Variants in PHACTR3 observed in about 807,000 individuals in gnomAD.
PHACTR3 encodes the protein protein phosphatase 1, regulatory subunit 123.
A neutral mutation model predicts 66.8 loss-of-function variants in PHACTR3; 16 were observed. The ratio of observed to expected loss-of-function variants is 0.24; its 90% CI spans 0.16 to 0.36. The LOEUF (loss-of-function observed/expected upper bound fraction) is 0.36. Ranked by LOEUF, PHACTR3 falls within the 10% of genes least tolerant of loss-of-function variation. The probability of loss-of-function intolerance (pLI) is 1.00; values close to 1 mark genes in which losing one functional copy is unlikely to be tolerated. For synonymous variants in PHACTR3, 323 were observed against 292.1 expected, an observed-to-expected ratio of 1.11 and a Z score of -1.08; for missense variants, 647 against 719.9, an observed-to-expected ratio of 0.90 and a Z score of 1.16.
rs192436415 is a variant in PHACTR3, at chr20:59,747,732, C to A, written c.281-26C>A. On this transcript the variant is annotated intron_variant, in intron 2 of 12. Transcript: ENST00000371015. ...CCCAGTGACACCTTTGCCTGAGACTCACCTGTGTGTTTGTGTGTTGGGCAG... is the reference window on the plus strand; with the variant it reads ...CCCAGTGACACCTTTGCCTGAGACTAACCTGTGTGTTTGTGTGTTGGGCAG... 3,759 of 1,611,246 alleles carry A rather than the reference C, an allele frequency of 2.3e-3. 15 individuals are homozygous for A. The highest frequency in any genetic ancestry group is 2.3e-3 in the Non-Finnish European group (2,742 of 1,178,338).
intron 8 of PHACTR3, among the ~76,000 whole-genome samples, chr20:59,823,393 G>T (rs539894929): frequency 6.6e-6 from 1 of 152,250 alleles, no homozygotes; most frequent in African/African-American, 2.4e-5. Context: ...GTCTCTGGAG[G>T]GAGGTAAAGA....
chr20:59,799,919 C>G (rs968485921), intron 7 of PHACTR3, among the ~76,000 whole-genome samples: 3 of 152,032 alleles, frequency 2.0e-5, no homozygotes, highest in Admixed American at 6.6e-5. Flanking sequence ...TTCTTTTATT[C>G]CACTTTATCT....
At chr20:59,662,467 T>C (rs968846142) in intron 1 of PHACTR3, among the ~76,000 whole-genome samples, 1 of 151,900 alleles carries the variant, frequency 6.6e-6, no homozygotes, top group African/African-American at 2.4e-5. Context: ...GAGAGCAGGA[T>C]GTATGGACCA....
At chr20:59,621,774 C>A (rs116698072) in intron 1 of PHACTR3, among the ~76,000 whole-genome samples, 59 of 152,298 alleles carry the variant, frequency 3.9e-4, no homozygotes, top group African/African-American at 1.4e-3. Flanking sequence ...GTGTGCCAAG[C>A]TGGAAAAGAG....
chr20:59,638,892 G>T (rs1301085985), intron 1 of PHACTR3, among the ~76,000 whole-genome samples: 1 of 146,254 alleles, frequency 6.8e-6, no homozygotes, highest in African/African-American at 2.5e-5. Flanking sequence ...TGGGTGAGTG[G>T]ATGGGTGGAT....
chr20:59,677,784 C>A (rs182247116), intron 1 of PHACTR3, among the ~76,000 whole-genome samples: 1 of 152,054 alleles, frequency 6.6e-6, no homozygotes, highest in African/African-American at 2.4e-5. Context: ...GAATTATGTG[C>A]GTGTATAATG....
chr20:59,653,931 A>G (rs2035537476), intron 1 of PHACTR3, among the ~76,000 whole-genome samples: 1 of 152,204 alleles, frequency 6.6e-6, no homozygotes, highest in East Asian at 1.9e-4. Flanking sequence ...ATTCCCCACT[A>G]AAACGAAGCA....
intron 8 of PHACTR3, among the ~76,000 whole-genome samples, chr20:59,824,937 G>A (rs2042142362): frequency 1.3e-5 from 2 of 152,166 alleles, no homozygotes; most frequent in South Asian, 2.1e-4. Flanking sequence ...TGTGAATGAC[G>A]ATGAACTTTG....
At chr20:59,781,573 C>T (rs952757058) in intron 7 of PHACTR3, among the ~76,000 whole-genome samples, 20 of 152,132 alleles carry the variant, frequency 1.3e-4, no homozygotes, top group African/African-American at 4.3e-4. Context: ...CACGTGGTAG[C>T]CCTGCTGCCA....
At chr20:59,592,184 T>C (rs2033202696) in intron 1 of PHACTR3, among the ~76,000 whole-genome samples, 1 of 152,182 alleles carries the variant, frequency 6.6e-6, no homozygotes, top group Admixed American at 6.5e-5. Context: ...GGCCTTTGTG[T>C]GTGCTGTTTC....
At chr20:59,623,488 A>G (rs1174784095) in intron 1 of PHACTR3, among the ~76,000 whole-genome samples, 2 of 152,204 alleles carry the variant, frequency 1.3e-5, no homozygotes, top group Non-Finnish European at 2.9e-5. Context: ...CTCTCGTCCC[A>G]CGACAGCTGC....
At position 59,841,364 on chromosome 20, in the gene PHACTR3, G is replaced by A. The variant is rs201943221; in HGVS notation, c.1447-31G>A. 67 of 1,591,618 alleles carry A rather than the reference G, an allele frequency of 4.2e-5. No homozygotes were observed. In the African/African-American group the frequency reaches 8.2e-4, roughly 19 times the overall value. On this transcript the variant is annotated intron_variant, in intron 10 of 12. Coordinates refer to ENST00000371015, the MANE Select transcript of PHACTR3 (RefSeq NM_080672.5). ...CTTCAAAAAAGCTAGTTTGGCATGT[G>A]ATACTTAACTATGATGATCTTTAAT...
At chr20:59,807,723 A>G (rs1293524789) in intron 8 of PHACTR3, among the ~76,000 whole-genome samples, 2 of 152,138 alleles carry the variant, frequency 1.3e-5, no homozygotes, top group African/African-American at 2.4e-5. Flanking sequence ...GACAGCAACA[A>G]TGTCACGAGG....
chr20:59,781,507 G>C lies in PHACTR3; in HGVS notation c.1174+7017G>C, dbSNP rs1479424129. On this transcript the variant is annotated intron_variant, in intron 7 of 12. Coordinates refer to ENST00000371015, the MANE Select transcript of PHACTR3 (RefSeq NM_080672.5). The stretch of plus-strand genomic sequence containing the variant: ...AGTGACCCCCTTGTCAGGTTGTCCT[G>C]GGGGCGGATGAGACAACGCTCATGG... Among the ~76,000 whole-genome samples the C allele has an allele frequency of 3.3e-5, 5 of 152,328 alleles. No homozygotes were observed. In the East Asian group the frequency reaches 9.6e-4, roughly 29 times the overall value.
At chr20:59,618,377 G>T (rs960294055) in intron 1 of PHACTR3, among the ~76,000 whole-genome samples, 1 of 152,118 alleles carries the variant, frequency 6.6e-6, no homozygotes, top group Non-Finnish European at 1.5e-5. Context: ...CAGTGTGATC[G>T]GGCACATTTC....
chr20:59,666,743 T>C (rs940456993), intron 1 of PHACTR3, among the ~76,000 whole-genome samples: 8 of 151,984 alleles, frequency 5.3e-5, no homozygotes, highest in African/African-American at 1.9e-4. Flanking sequence ...GATTTCCACA[T>C]GCAGACTGAA....
chr20:59,617,280 A>T (rs2034061320), intron 1 of PHACTR3, among the ~76,000 whole-genome samples: 1 of 152,186 alleles, frequency 6.6e-6, no homozygotes, highest in African/African-American at 2.4e-5. Context: ...GAAAAACCCA[A>T]AAAAAACAAC....
At chr20:59,721,730 C>T (rs2038309295) in intron 1 of PHACTR3, among the ~76,000 whole-genome samples, 1 of 152,084 alleles carries the variant, frequency 6.6e-6, no homozygotes, top group Admixed American at 6.5e-5. Context: ...GATACTGCTG[C>T]CTGGGGGCTT....
intron 1 of PHACTR3, among the ~76,000 whole-genome samples, chr20:59,671,797 G>A (rs1192284922): frequency 6.6e-6 from 1 of 152,238 alleles, no homozygotes; most frequent in Non-Finnish European, 1.5e-5. Context: ...GCTGCTGCCT[G>A]CTCCAGGCAG....
Sources: gnomAD v4.1 joint callset for allele counts (sites outside exome capture counted in the v4.1 genomes callset) on GRCh38, gnomAD v4.1.1 for gene constraint, MANE v1.5 for transcripts, NCBI Gene and HGNC (gene_info 2026-07-23, HGNC 2026-07-21) for gene names.